Variants in FBXL18 observed in about 807,000 individuals in gnomAD.
FBXL18 encodes the protein F-box/LRR-repeat protein 18.
FBXL18 carries 36 observed loss-of-function variants against 46.0 expected under a neutral mutation model. The ratio of observed to expected loss-of-function variants is 0.78; its 90% CI spans 0.60 to 1.03. The LOEUF (loss-of-function observed/expected upper bound fraction) is 1.03, where lower values mean the gene tolerates loss of function less well. Ranked by LOEUF, FBXL18 falls within the 50% of genes least tolerant of loss-of-function variation. The pLI is 0.00. For synonymous variants in FBXL18, 557 were observed against 465.3 expected (o/e 1.20, Z -2.54); for missense variants, 977 against 1,004.1 (o/e 0.97, Z 0.36).
chr7:5,510,135 C>G (rs533024220), intron 1 of FBXL18, among the ~76,000 whole-genome samples: 1 of 151,304 alleles, frequency 6.6e-6, no homozygotes, highest in African/African-American at 2.4e-5. Context: ...AACCCCATCT[C>G]GACTAAAAAT....
In FBXL18 at chr7:5,455,786, A is replaced by ACC. The variant is rs1467732672; in HGVS notation, c.2001-7945_2001-7944dup. Among the ~76,000 whole-genome samples, 1 of 136,182 alleles carries ACC rather than the reference A, an allele frequency of 7.3e-6. No individual in the cohort carries two copies. Among genetic ancestry groups the ACC allele is most frequent in the African/African-American group, 2.8e-5 (1 of 36,276 alleles). The allele number at this position is 136,182 out of a possible 152,430, so 89.3% of individuals were successfully genotyped here. A position where few individuals can be genotyped will look rare whatever the true frequency, so the allele number is the denominator to read the frequency against. On this transcript the variant is annotated intron_variant and NMD_transcript_variant, in intron 4 of 6. Transcript: ENST00000415009. The surrounding 1 kb of genome is among the most constrained non-coding windows in gnomAD (Gnocchi z 4.6). ...CAAACACACACACACACACACACAC[A>ACC]CCACTTCCATGGCGCCAGGAGAGAG... is the stretch of plus-strand genomic sequence containing the variant.
chr7:5,495,832 C>T (rs1325474161), intron 3 of FBXL18: 4 of 479,422 alleles, frequency 8.3e-6, no homozygotes, highest in African/African-American at 5.9e-5. Context: ...CAGCTGGCAG[C>T]GTCTGGGAAC....
At chr7:5,468,733 T>G (rs1017892104) in intron 4 of FBXL18, among the ~76,000 whole-genome samples, 2 of 152,124 alleles carry the variant, frequency 1.3e-5, no homozygotes, top group Non-Finnish European at 2.9e-5. Context: ...CTCAAGTAGC[T>G]GAGACTACAG....
At position 5,505,473 on chromosome 7, in the gene FBXL18, A is replaced by C; in HGVS notation, c.176T>G (p.Leu59Arg). Residue 59 changes from leucine to arginine, a missense_variant, in exon 2 of 5, where the codon CTT becomes CGT. Leu to Arg is a moderately radical substitution (Grantham distance 102, BLOSUM62 -2). Coordinates refer to ENST00000382368, the MANE Select transcript of FBXL18 (RefSeq NM_024963.6). ...GCTCTTGTCAAGGCACAGGGCTGCA[A>C]GCTTCCGACAGGTACGCCGGACGTT... ...ILNVRRTCRK[L>R]AALCLDKSLI... The C allele has an allele frequency of 2.5e-6, 4 of 1,614,174 alleles. No individual in the cohort carries two copies. The highest frequency in any genetic ancestry group is 3.4e-6 in the Non-Finnish European group (4 of 1,180,028).
chr7:5,507,496 A>G (rs1784421637), intron 1 of FBXL18, among the ~76,000 whole-genome samples: 1 of 152,158 alleles, frequency 6.6e-6, no homozygotes, highest in Non-Finnish European at 1.5e-5. Flanking sequence ...CATGAGGGTC[A>G]GAGGTTAGAC....
Position 5,489,959 on chromosome 7 carries a change from G to GA in FBXL18, c.2000+1271dup, listed in dbSNP as rs1190627346. On this transcript the variant is annotated intron_variant, in intron 4 of 4. Transcript: ENST00000382368. ...GACTCTGTCTCAAACAAACAAACAAGAAAAAAGATTGATGCATAGTCTAAA... is the reference window on the plus strand; with the variant it reads ...GACTCTGTCTCAAACAAACAAACAAGAAAAAAAGATTGATGCATAGTCTAAA... 12 of 1,273,106 alleles carry GA rather than the reference G, an allele frequency of 9.4e-6. No individual in the cohort carries two copies. The East Asian group carries it at 6.9e-4, about 73-fold the overall frequency. 78.9% of individuals were successfully genotyped at this position (1,273,106 alleles called of 1,614,324 possible). A position where few individuals can be genotyped will look rare whatever the true frequency, so the allele number is the denominator to read the frequency against.
chr7:5,490,179 C>G (rs773596782), intron 4 of FBXL18: 2 of 1,345,364 alleles, frequency 1.5e-6, no homozygotes, highest in South Asian at 1.1e-5. Context: ...ACTCTGTGAA[C>G]AGCTGGGGCC....
In FBXL18 at chr7:5,463,744, T is replaced by TATTA. The variant is rs1783299248; in HGVS notation, c.2001-15902_2001-15901insTAAT. On this transcript the variant is annotated intron_variant and NMD_transcript_variant, in intron 4 of 6. Transcript: ENST00000415009. ...TATTTATTTATTTTTTTTTTTTTTT[T>TATTA]TTTTTTTTTTTTTTGAGACGGAGTC... 3.8e-4 allele frequency among the ~76,000 whole-genome samples: 22 copies of TATTA among 57,832 alleles called. 1 individual carries two copies. Among genetic ancestry groups the TATTA allele is most frequent in the African/African-American group, 7.6e-4 (14 of 18,486 alleles). 37.9% of individuals were successfully genotyped at this position (57,832 alleles called of 152,430 possible).
chr7:5,492,662 G>C (rs527504037), intron 3 of FBXL18, among the ~76,000 whole-genome samples: 106 of 152,174 alleles, frequency 7.0e-4, no homozygotes, highest in African/African-American at 2.3e-3. Context: ...TGCATGATGG[G>C]GACTCTAAAT....
Position 5,500,966 on chromosome 7 carries a change from C to T in FBXL18, c.1303G>A (p.Ala435Thr). The T allele has an allele frequency of 2.0e-6, 3 of 1,534,664 alleles. No homozygotes were observed. Among genetic ancestry groups the T allele is most frequent in the Non-Finnish European group, 2.6e-6 (3 of 1,147,004 alleles). The part of the protein sequence containing the change: ...VADSAPRADR[A>T]PAQPAMHAVP... ...GCGTGCATGGCCGGCTGGGCGGGCG[C>T]GCGGTCGGCGCGCGGCGCGGAGTCA... Residue 435 changes from alanine (A) to threonine (T), a missense_variant, in exon 3 of 5, where the codon GCG becomes ACG. Transcript: ENST00000382368.
rs79157171 is a variant in FBXL18, at chr7:5,490,553, G to A, written c.2000+678C>T. 7.2e-5 allele frequency among the ~76,000 whole-genome samples: 11 copies of A among 152,324 alleles called. No homozygotes were observed. In the East Asian group the frequency reaches 1.3e-3, roughly 19 times the overall value. ...CAGAAAGGGCCTGACAGCAGGTGGCGAGGGAGAGGGAGAAGGAAAGGTTCT... is the reference window on the plus strand; with the variant it reads ...CAGAAAGGGCCTGACAGCAGGTGGCAAGGGAGAGGGAGAAGGAAAGGTTCT... On this transcript the variant is annotated intron_variant, in intron 4 of 4. Coordinates refer to ENST00000382368, the MANE Select transcript of FBXL18 (RefSeq NM_024963.6).
chr7:5,466,799 T>A (rs903147947), intron 4 of FBXL18, among the ~76,000 whole-genome samples: 1 of 151,756 alleles, frequency 6.6e-6, no homozygotes, highest in Non-Finnish European at 1.5e-5. Context: ...CTCCTGGGGG[T>A]GACAAAGTTT....
chr7:5,499,765 AGAT>A (rs1784183012), intron 3 of FBXL18, among the ~76,000 whole-genome samples: 1 of 151,180 alleles, frequency 6.6e-6, no homozygotes, highest in South Asian at 2.1e-4. Context: ...AAAAAAGCAA[AGAT>A]GGAGGCCAAG....
chr7:5,475,529 G>A (rs1050638805), downstream of FBXL18, among the ~76,000 whole-genome samples: 2 of 152,112 alleles, frequency 1.3e-5, no homozygotes, highest in Non-Finnish European at 2.9e-5. This position sits in a 1 kb window ranked among gnomAD's most constrained non-coding sequence, Gnocchi z 4.2. Flanking sequence ...GGCCCATCCT[G>A]ACCTACGCAG....
chr7:5,490,484 T>TGCTA (rs1192228642), intron 4 of FBXL18, among the ~76,000 whole-genome samples: 1 of 152,212 alleles, frequency 6.6e-6, no homozygotes, highest in African/African-American at 2.4e-5. Context: ...GAAGCGGAGA[T>TGCTA]GCTAGCTAGC....
chr7:5,501,666 G>A lies in FBXL18; in HGVS notation c.603C>T (p.Phe201=). Reference sequence around the variant, plus strand: ...CCTCGCGCGTGCGGTCCAGAATCTCGAAGTAGAGCAGCAGCTTCTCTAGGC... The same window carrying A: ...CCTCGCGCGTGCGGTCCAGAATCTCAAAGTAGAGCAGCAGCTTCTCTAGGC... ...CTSLEKLLLY[F]EILDRTREGA... is the part of the protein sequence containing the mutation. The change falls in exon 3 of 5, where the codon TTC becomes TTT. Residue 201 remains phenylalanine, a synonymous_variant. Coordinates refer to ENST00000382368, the MANE Select transcript of FBXL18 (RefSeq NM_024963.6). 6.2e-7 allele frequency: 1 copy of A among 1,610,020 alleles called. No homozygotes were observed. Among genetic ancestry groups the A allele is most frequent in the Non-Finnish European group, 8.5e-7 (1 of 1,177,942 alleles).
downstream of FBXL18, among the ~76,000 whole-genome samples, chr7:5,471,456 T>C (rs538617250): frequency 1.3e-5 from 2 of 152,306 alleles, no homozygotes; most frequent in East Asian, 3.9e-4. Context: ...TTTTGTATTT[T>C]TAGTAGAGAC....
chr7:5,485,296 G>C (rs1016447875), intron 4 of FBXL18, among the ~76,000 whole-genome samples: 2 of 152,158 alleles, frequency 1.3e-5, no homozygotes, highest in African/African-American at 4.8e-5. Context: ...GGACAGAAAG[G>C]CCAGCCCTTC....
intron 4 of FBXL18, among the ~76,000 whole-genome samples, chr7:5,486,440 C>A (rs1331202550): frequency 6.6e-6 from 1 of 150,740 alleles, no homozygotes; most frequent in Non-Finnish European, 1.5e-5. Context: ...AAAACAACAA[C>A]AAAGAAAACA....
Sources: gnomAD v4.1 joint callset for allele counts (sites outside exome capture counted in the v4.1 genomes callset) on GRCh38, gnomAD v4.1.1 for gene constraint, Gnocchi (gnomAD v3.1) non-coding constraint, MANE v1.5 for transcripts, NCBI Gene and HGNC (gene_info 2026-07-23, HGNC 2026-07-21) for gene names.